The following GPC5 variants were observed in gnomAD, a reference collection of about 807,000 sequenced individuals.
GPC5 encodes the protein glypican-5.
GPC5 carries 47 observed loss-of-function variants against 53.9 expected under a neutral mutation model. The ratio of observed to expected loss-of-function variants is 0.87; its 90% CI spans 0.69 to 1.11. GPC5 has a LOEUF of 1.11. Among genes scored for constraint, GPC5 ranks in the 50% most tolerant of loss-of-function variants. GPC5 has a pLI of 0.00. For synonymous variants in GPC5, 286 were observed against 263.3 expected, an observed-to-expected ratio of 1.09 and a Z score of -0.84; for missense variants, 748 against 713.1, an observed-to-expected ratio of 1.05 and a Z score of -0.56.
chr13:92,447,692 C>T (rs183956076), intron 7 of GPC5: 11 of 152,130 alleles, frequency 7.2e-5, no homozygotes, highest in Admixed American at 2.6e-4. Flanking sequence ...TTATTACCTT[C>T]GCATTTTAAA....
At chr13:92,707,598 T>C (rs1386649550) in intron 7 of GPC5, among the ~76,000 whole-genome samples, 2 of 151,792 alleles carry the variant, frequency 1.3e-5, no homozygotes, top group East Asian at 3.9e-4. Flanking sequence ...CATGTAATCA[T>C]AGTGAGAGAA....
chr13:92,413,921 A>G (rs1202591830), intron 7 of GPC5, among the ~76,000 whole-genome samples: 1 of 152,202 alleles, frequency 6.6e-6, no homozygotes, highest in African/African-American at 2.4e-5. Flanking sequence ...TCTAAGGATG[A>G]CATAATCTAT....
At chr13:92,271,858 T>G (rs1010465144) in intron 7 of GPC5, among the ~76,000 whole-genome samples, 1 of 152,194 alleles carries the variant, frequency 6.6e-6, no homozygotes, top group Non-Finnish European at 1.5e-5. Flanking sequence ...GAGTAATGTT[T>G]CTTAGGCAGT....
chr13:91,599,127 A>G (rs1167002514), intron 2 of GPC5, among the ~76,000 whole-genome samples: 2 of 152,086 alleles, frequency 1.3e-5, no homozygotes, highest in Non-Finnish European at 2.9e-5. Context: ...TAGTGTATTC[A>G]TCGCTTGACT....
chr13:91,550,253 T>TTAATAGG (rs1263117340), intron 2 of GPC5, among the ~76,000 whole-genome samples: 7 of 151,982 alleles, frequency 4.6e-5, no homozygotes, highest in African/African-American at 1.7e-4. Context: ...GGGTGAAGGA[T>TTAATAGG]TAATAGGTAG....
At chr13:91,764,900 A>T (rs1487781379) in intron 5 of GPC5, among the ~76,000 whole-genome samples, 2 of 152,180 alleles carry the variant, frequency 1.3e-5, no homozygotes, top group African/African-American at 4.8e-5. Context: ...CCTGGCAGGT[A>T]TTAACAGCTG....
chr13:92,740,135 G>C (rs537309533), intron 7 of GPC5, among the ~76,000 whole-genome samples: 1 of 151,762 alleles, frequency 6.6e-6, no homozygotes. Flanking sequence ...CTCCCTTCTC[G>C]GGGCATTTGC....
rs112416833 is a variant in GPC5 at position 92,490,174 on chromosome 13, C to T, written c.1561+345185C>T. The T allele has an allele frequency of 2.9e-3, 453 of 154,456 alleles. 2 individuals carry two copies. Among genetic ancestry groups the T allele is most frequent in the Admixed American group, 5.6e-3 (86 of 15,260 alleles). 9.6% of individuals were successfully genotyped at this position (154,456 alleles called of 1,614,324 possible). On this transcript the variant is annotated intron_variant, in intron 7 of 7. Coordinates refer to ENST00000377067, the MANE Select transcript of GPC5 (RefSeq NM_004466.6). The stretch of plus-strand genomic sequence containing the variant: ...TATTAGGTCAGTGCAAAAGTAATTG[C>T]GGGTTTTGCCGTTGCTTTTAATGGT...
intron 7 of GPC5, among the ~76,000 whole-genome samples, chr13:92,656,815 A>G (rs1886152088): frequency 6.6e-6 from 1 of 152,174 alleles, no homozygotes; most frequent in African/African-American, 2.4e-5. Context: ...GTATCCATGC[A>G]TGGTGGCATG....
chr13:91,958,581 T>C (rs1319534328), intron 6 of GPC5, among the ~76,000 whole-genome samples: 1 of 152,108 alleles, frequency 6.6e-6, no homozygotes, highest in Non-Finnish European at 1.5e-5. Context: ...CTCATTCTTC[T>C]CATTGGCACA....
At chr13:92,229,926 CAA>C in intron 7 of GPC5, among the ~76,000 whole-genome samples, 2 of 152,074 alleles carry the variant, frequency 1.3e-5, no homozygotes, top group South Asian at 4.1e-4. Context: ...ATTTTAAAAA[CAA>C]ATTTATATTA....
chr13:92,137,950 C>T lies in GPC5; in HGVS notation c.1402-6880C>T, dbSNP rs7337378. ...TGGTGACGTGTCAGTTTAGGTTCAC[C>T]TATTATAAAAAATGCATCATTCTGG... is the stretch of plus-strand genomic sequence containing the variant. On this transcript the variant is annotated intron_variant, in intron 6 of 7. Coordinates refer to ENST00000377067, the MANE Select transcript of GPC5 (RefSeq NM_004466.6). 7.5e-4 allele frequency among the ~76,000 whole-genome samples: 114 copies of T among 152,098 alleles called. 1 individual carries two copies. Among genetic ancestry groups the T allele is most frequent in the African/African-American group, 2.6e-3 (106 of 41,470 alleles).
intron 7 of GPC5, among the ~76,000 whole-genome samples, chr13:92,214,192 TA>T (rs1391015076): frequency 2.0e-5 from 3 of 152,170 alleles, no homozygotes; most frequent in Non-Finnish European, 4.4e-5. Context: ...TGCTCAAGTA[TA>T]AATTTTTTTC....
chr13:91,873,597 G>T (rs2039171748), intron 5 of GPC5, among the ~76,000 whole-genome samples: 1 of 152,142 alleles, frequency 6.6e-6, no homozygotes, highest in South Asian at 2.1e-4. Flanking sequence ...CTTCCCCCAT[G>T]AGTGTGAGGC....
rs552283093 is a variant in GPC5, at chr13:92,335,508, T to C, written c.1561+190519T>C. The stretch of plus-strand genomic sequence containing the variant: ...TCCATTGCTTTAGTGATTAACATTC[T>C]GCTCCTCATTACCTATGCAAATTTC... On this transcript the variant is annotated intron_variant, in intron 7 of 7. Transcript: ENST00000377067. Among the ~76,000 whole-genome samples the C allele has an allele frequency of 2.0e-5, 3 of 152,332 alleles. No individual in the cohort carries two copies. The East Asian group carries it at 5.8e-4, about 29-fold the overall frequency.
At chr13:92,498,716 C>T (rs1880076960) in intron 7 of GPC5, among the ~76,000 whole-genome samples, 1 of 152,062 alleles carries the variant, frequency 6.6e-6, no homozygotes, top group South Asian at 2.1e-4. Flanking sequence ...GTTAGACAAT[C>T]GGACCCATTA....
At position 92,155,117 on chromosome 13, in the gene GPC5, G is replaced by A. The variant is rs58804769; in HGVS notation, c.1561+10128G>A. ...GCTTTTATATCAATATCTCTCTAGT[G>A]TATTCCTTATAAAGGACTCATGGGG... On this transcript the variant is annotated intron_variant, in intron 7 of 7. Coordinates refer to ENST00000377067, the MANE Select transcript of GPC5 (RefSeq NM_004466.6). 7.3e-3 allele frequency among the ~76,000 whole-genome samples: 1,105 copies of A among 152,126 alleles called. 25 individuals carry two copies. Among genetic ancestry groups the A allele is most frequent in the African/African-American group, 0.025 (1,040 of 41,514 alleles).
rs1380665676 is a variant in GPC5, at chr13:92,379,912, G to A, written c.1561+234923G>A. On this transcript the variant is annotated intron_variant, in intron 7 of 7. Transcript: ENST00000377067. ...TTGGCAGCCCGTCACCTGATTAGTA[G>A]CAGGTACTATTAGTTTGCATACCAG... 1.3e-5 allele frequency among the ~76,000 whole-genome samples: 2 copies of A among 152,248 alleles called. 1 individual carries two copies. The highest frequency in any genetic ancestry group is 1.3e-4 in the Admixed American group (2 of 15,296).
intron 7 of GPC5, among the ~76,000 whole-genome samples, chr13:92,257,869 G>A (rs2042739050): frequency 6.6e-6 from 1 of 152,006 alleles, no homozygotes; most frequent in South Asian, 2.1e-4. Flanking sequence ...GTTTAGATAA[G>A]AGTCCTTTGA....
Sources: gnomAD v4.1 joint callset for allele counts (sites outside exome capture counted in the v4.1 genomes callset) on GRCh38, gnomAD v4.1.1 for gene constraint, MANE v1.5 for transcripts, NCBI Gene and HGNC (gene_info 2026-07-23, HGNC 2026-07-21) for gene names.